PCDH15: variants seen among roughly 807,000 people sequenced by gnomAD.
PCDH15 encodes the protein protocadherin related 15.
A neutral mutation model predicts 178.5 loss-of-function variants in PCDH15; 129 were observed. The observed-to-expected ratio is 0.72, with a 90% CI of 0.63 to 0.84. The LOEUF is 0.84. PCDH15 is among the 40% of genes least tolerant of loss of function. PCDH15 has a pLI of 0.00. For missense variants in PCDH15, 2,230 were observed against 2,099.9 expected, an observed-to-expected ratio of 1.06 and a Z score of -1.21; for synonymous variants, 800 against 732.0, an observed-to-expected ratio of 1.09 and a Z score of -1.50.
intron 5 of PCDH15, among the ~76,000 whole-genome samples, chr10:54,347,204 G>C (rs959536881): frequency 1.3e-5 from 2 of 151,928 alleles, no homozygotes; most frequent in African/African-American, 4.8e-5. Flanking sequence ...AGGTTTTTGC[G>C]CAATGTGCTC....
chr10:54,651,181 T>C (rs1590831885), intron 2 of PCDH15, among the ~76,000 whole-genome samples: 1 of 151,858 alleles, frequency 6.6e-6, no homozygotes, highest in African/African-American at 2.4e-5. Context: ...AGAGAGAGGA[T>C]ACAGTAAGAA....
At chr10:54,196,996 T>C (rs1215690733) in intron 10 of PCDH15, among the ~76,000 whole-genome samples, 4 of 152,304 alleles carry the variant, frequency 2.6e-5, no homozygotes, top group East Asian at 1.9e-4. Flanking sequence ...CAAAGAAACG[T>C]AGACAATTCC....
In PCDH15 at chr10:54,067,123, C is replaced by G. The variant is rs556740697; in HGVS notation, c.2092-238G>C. Among the ~76,000 whole-genome samples the G allele has an allele frequency of 8.5e-5, 13 of 152,230 alleles. No homozygotes were observed. The South Asian group carries it at 2.7e-3, about 32-fold the overall frequency. ...AATGATGATATTAAAGGGCAAACAT[C>G]TTTTTGGAAATGTCAAGTATTTCCT... On this transcript the variant is annotated intron_variant, in intron 17 of 37. Coordinates refer to ENST00000644397, the MANE Select transcript of PCDH15 (RefSeq NM_001384140.1).
chr10:55,612,035 A>G (rs1843377629), intron 2 of PCDH15, among the ~76,000 whole-genome samples: 1 of 152,080 alleles, frequency 6.6e-6, no homozygotes. Flanking sequence ...GGATAGACAG[A>G]AAAAGAAGAT....
intron 8 of PCDH15, among the ~76,000 whole-genome samples, chr10:54,298,408 C>T (rs1185710723): frequency 1.3e-5 from 2 of 152,186 alleles, no homozygotes; most frequent in Admixed American, 1.3e-4. Flanking sequence ...AGAAAGACTG[C>T]AGCCTTAGTC....
At chr10:55,626,604 A>T (rs1330716213) in intron 2 of PCDH15, among the ~76,000 whole-genome samples, 1 of 152,186 alleles carries the variant, frequency 6.6e-6, no homozygotes. Flanking sequence ...CTTGCCACGT[A>T]AATTGTAATA....
intron 5 of PCDH15, among the ~76,000 whole-genome samples, chr10:54,349,213 G>A (rs1943797081): frequency 6.6e-6 from 1 of 152,160 alleles, no homozygotes; most frequent in South Asian, 2.1e-4. Flanking sequence ...CTGGGGTAAT[G>A]TATACTATTG....
At chr10:55,053,331 T>C (rs144460461) in intron 2 of PCDH15, among the ~76,000 whole-genome samples, 94 of 152,256 alleles carry the variant, frequency 6.2e-4, no homozygotes, top group African/African-American at 2.1e-3. Context: ...ATTCCACTTG[T>C]ATAAAAGCAT....
intron 1 of PCDH15, among the ~76,000 whole-genome samples, chr10:55,232,786 C>T (rs996125162): frequency 5.3e-5 from 8 of 152,010 alleles, no homozygotes; most frequent in Non-Finnish European, 7.4e-5. Flanking sequence ...CCACTCTGCC[C>T]AACAATCCTC....
chr10:54,751,328 A>G (rs1430093888), intron 1 of PCDH15, among the ~76,000 whole-genome samples: 2 of 152,168 alleles, frequency 1.3e-5, no homozygotes, highest in African/African-American at 4.8e-5. Flanking sequence ...ACTCATAATT[A>G]GGTTTGTGTA....
chr10:55,195,412 G>A (rs1169650800), intron 1 of PCDH15, among the ~76,000 whole-genome samples: 2 of 150,896 alleles, frequency 1.3e-5, no homozygotes, highest in South Asian at 2.1e-4. Flanking sequence ...GGAAGCCGAG[G>A]CAGGTGGATC....
chr10:55,492,859 A>T (rs1840448883), intron 2 of PCDH15, among the ~76,000 whole-genome samples: 1 of 151,788 alleles, frequency 6.6e-6, no homozygotes, highest in Non-Finnish European at 1.5e-5. Flanking sequence ...GCTATCAATA[A>T]AGAGAGGAAA....
chr10:54,693,830 C>T (rs1267908059), intron 1 of PCDH15, among the ~76,000 whole-genome samples: 1 of 152,098 alleles, frequency 6.6e-6, no homozygotes, highest in Non-Finnish European at 1.5e-5. Context: ...TCAGTGATTG[C>T]CAATCAGCCT....
chr10:55,144,016 G>GA (rs11372341), intron 2 of PCDH15, among the ~76,000 whole-genome samples: 79,017 of 149,712 alleles, frequency 0.53, 21,143 homozygotes, highest in South Asian at 0.65. Flanking sequence ...GGTGTAAGGG[G>GA]AAAAAAAACA....
intron 2 of PCDH15, among the ~76,000 whole-genome samples, chr10:55,096,076 T>G (rs1330339636): frequency 1.3e-5 from 2 of 152,098 alleles, no homozygotes; most frequent in Non-Finnish European, 2.9e-5. Flanking sequence ...TGTGATTATT[T>G]GATTGGAAAC....
At chr10:54,239,961 C>T (rs1237347519) in intron 8 of PCDH15, among the ~76,000 whole-genome samples, 1 of 151,916 alleles carries the variant, frequency 6.6e-6, no homozygotes, top group Non-Finnish European at 1.5e-5. Context: ...TTAAAGAATA[C>T]TAAAAATTAT....
intron 2 of PCDH15, among the ~76,000 whole-genome samples, chr10:54,975,652 A>G (rs1331821673): frequency 1.3e-5 from 2 of 152,160 alleles, no homozygotes; most frequent in Non-Finnish European, 2.9e-5. Flanking sequence ...AGTAAGGTAA[A>G]TGAGGCAGAA....
intron 3 of PCDH15, among the ~76,000 whole-genome samples, chr10:54,890,843 T>A (rs1362471307): frequency 6.6e-6 from 1 of 152,072 alleles, no homozygotes; most frequent in Admixed American, 6.6e-5. Flanking sequence ...ATATTGCAAC[T>A]CATCTAGACC....
At chr10:54,267,452 G>C (rs1370778729) in intron 8 of PCDH15, among the ~76,000 whole-genome samples, 1 of 151,822 alleles carries the variant, frequency 6.6e-6, no homozygotes, top group Admixed American at 6.6e-5. Flanking sequence ...AGAAATAATA[G>C]ACATCCAAAT....
Sources: allele counts gnomAD v4.1 joint callset (sites outside exome capture counted in the v4.1 genomes callset), GRCh38; gene constraint gnomAD v4.1.1; transcripts MANE v1.5; gene names NCBI Gene and HGNC (gene_info 2026-07-23, HGNC 2026-07-21).